The following PRP4K variants were observed in gnomAD, a reference collection of about 807,000 sequenced individuals.
PRP4K encodes the protein serine/threonine-protein kinase PRP4 homolog.
the PRP4K span, chr6:4,061,726 C>A: frequency 6.6e-6 from 1 of 152,414 alleles, no homozygotes; most frequent in African/African-American, 2.4e-5. Context: ...CCTTTTATTT[C>A]TTTTGTAAAT....
chr6:4,057,380 G>A, the PRP4K span, among the ~76,000 whole-genome samples: 524 of 152,308 alleles, frequency 3.4e-3, 1 homozygote, highest in African/African-American at 0.012. Flanking sequence ...AAGCGCTAAG[G>A]ATAAGAGAAC....
At chr6:4,027,485 G>T in the PRP4K span, among the ~76,000 whole-genome samples, 2 of 151,632 alleles carry the variant, frequency 1.3e-5, no homozygotes, top group African/African-American at 4.8e-5. Context: ...GCTCTTTGAT[G>T]CTGTTCCTAA....
the PRP4K span, chr6:4,049,040 A>G: frequency 1.4e-5 from 23 of 1,613,020 alleles, no homozygotes; most frequent in Non-Finnish European, 2.5e-6. Flanking sequence ...GGCCGCTGGC[A>G]TTGGAAAAGA....
At chr6:4,063,214 G>A in the PRP4K span, 1 of 151,918 alleles carries the variant, frequency 6.6e-6, no homozygotes, top group African/African-American at 2.4e-5. Context: ...GGTTTTATTG[G>A]TGTTTGGTAT....
the PRP4K span, among the ~76,000 whole-genome samples, chr6:4,050,736 A>C: frequency 6.6e-6 from 1 of 152,202 alleles, no homozygotes; most frequent in African/African-American, 2.4e-5. Flanking sequence ...AGATTGCCCT[A>C]GGCTTAGAAA....
At chr6:4,054,482 G>T in the PRP4K span, among the ~76,000 whole-genome samples, 1 of 152,006 alleles carries the variant, frequency 6.6e-6, no homozygotes, top group Non-Finnish European at 1.5e-5. Flanking sequence ...GTATAAATTT[G>T]TGTGGCCAAT....
chr6:4,032,385 A>G, the PRP4K span: 2 of 1,614,120 alleles, frequency 1.2e-6, no homozygotes, highest in Non-Finnish European at 1.7e-6. Context: ...CGATCGAGGT[A>G]AAAAATCCAG....
At chr6:4,060,601 C>G in the PRP4K span, 2 of 1,612,136 alleles carry the variant, frequency 1.2e-6, no homozygotes, top group South Asian at 1.1e-5. The surrounding 1 kb of genome is among the most constrained non-coding windows in gnomAD (Gnocchi z 4.7). Flanking sequence ...ACGCCTTCAT[C>G]CAGGAAAAAA....
At chr6:4,033,812 A>G in the PRP4K span, among the ~76,000 whole-genome samples, 1 of 151,908 alleles carries the variant, frequency 6.6e-6, no homozygotes, top group Non-Finnish European at 1.5e-5. Flanking sequence ...TTTACTTCTG[A>G]GTGGCACTGT....
At chr6:4,032,721 CG>C in the PRP4K span, 8 of 1,588,424 alleles carry the variant, frequency 5.0e-6, no homozygotes, top group South Asian at 9.4e-5. Context: ...AAGAAAACGA[CG>C]AGAACCAGAG....
the PRP4K span, chr6:4,032,593 C>T: frequency 2.9e-5 from 46 of 1,613,718 alleles, no homozygotes; most frequent in Non-Finnish European, 3.6e-5. Context: ...TCTCCAAAAC[C>T]ACGTGATAAA....
chr6:4,057,057 A>G, the PRP4K span: 2 of 1,592,056 alleles, frequency 1.3e-6, no homozygotes, highest in Non-Finnish European at 1.7e-6. Flanking sequence ...AGCTATGACT[A>G]TGGTATAGAT....
chr6:4,025,379 A>T, the PRP4K span, among the ~76,000 whole-genome samples: 1 of 152,178 alleles, frequency 6.6e-6, no homozygotes, highest in Non-Finnish European at 1.5e-5. Context: ...ACATTATGCC[A>T]TTGACTCAAT....
chr6:4,027,606 G>A, the PRP4K span, among the ~76,000 whole-genome samples: 1 of 95,524 alleles, frequency 1.0e-5, no homozygotes, highest in South Asian at 4.3e-4. Flanking sequence ...GGGGTGGGGG[G>A]GTGGGGTGGG....
chr6:4,048,798 G>GT, the PRP4K span, among the ~76,000 whole-genome samples: 1 of 147,466 alleles, frequency 6.8e-6, no homozygotes, highest in African/African-American at 2.6e-5. Context: ...GCTGGGAGGG[G>GT]TTTTTGTTTT....
chr6:4,040,650 T>C, the PRP4K span: 4 of 1,092,164 alleles, frequency 3.7e-6, no homozygotes, highest in Non-Finnish European at 5.2e-6. Flanking sequence ...AGAAGAGTTT[T>C]AGGTTTACAG....
At chr6:4,039,476 A>G in the PRP4K span, among the ~76,000 whole-genome samples, 1 of 152,148 alleles carries the variant, frequency 6.6e-6, no homozygotes, top group Non-Finnish European at 1.5e-5. Context: ...CTAGAAAGCA[A>G]ATCTTAAGTG....
chr6:4,026,746 G>A, the PRP4K span, among the ~76,000 whole-genome samples: 1 of 152,216 alleles, frequency 6.6e-6, no homozygotes, highest in East Asian at 1.9e-4. Context: ...GATAGGGAGA[G>A]ACAAACAAGA....
chr6:4,032,404 T>G, the PRP4K span: 1 of 1,614,118 alleles, frequency 6.2e-7, no homozygotes, highest in Non-Finnish European at 8.5e-7. Flanking sequence ...AGATCCCCAG[T>G]TGATTTAAGA....
Sources: gnomAD v4.1 joint callset for allele counts (sites outside exome capture counted in the v4.1 genomes callset) on GRCh38, gnomAD v4.1.1 for gene constraint, Gnocchi (gnomAD v3.1) non-coding constraint, MANE v1.5 for transcripts, NCBI Gene and HGNC (gene_info 2026-07-23, HGNC 2026-07-21) for gene names.